The following CADPS variants were observed in gnomAD, a reference collection of about 807,000 sequenced individuals.
CADPS encodes calcium-dependent secretion activator 1.
Under a neutral mutation model 167.3 loss-of-function variants are expected in CADPS, and 57 were observed. The ratio of observed to expected loss-of-function variants is 0.34; its 90% CI spans 0.28 to 0.42. The LOEUF (loss-of-function observed/expected upper bound fraction) is 0.42. CADPS is among the 20% of genes least tolerant of loss of function. The probability of loss-of-function intolerance (pLI) is 1.00; values close to 1 mark genes in which losing one functional copy is unlikely to be tolerated. For missense variants in CADPS, 1,414 were observed against 1,738.1 expected (o/e 0.81, Z 3.32); for synonymous variants, 676 against 635.3 (o/e 1.06, Z -0.96).
chr3:62,851,942 A>G (rs1364675843), intron 1 of CADPS, among the ~76,000 whole-genome samples: 1 of 151,528 alleles, frequency 6.6e-6, no homozygotes, highest in East Asian at 1.9e-4. Flanking sequence ...CTTTTCACAT[A>G]GTTCCATATT....
chr3:62,585,280 C>T lies in CADPS; in HGVS notation c.1482G>A (p.Trp494Ter). The part of the protein sequence containing the change: ...PTPNSPKQSE[W>*]HKMTVSKNCP... ...AGTTTTTGGAGACTGTCATTTTGTGCCACTCTGACTGTTTGGGGCTGTTCG... is the reference window on the plus strand; with the variant it reads ...AGTTTTTGGAGACTGTCATTTTGTGTCACTCTGACTGTTTGGGGCTGTTCG... Residue 494 changes from tryptophan to a stop codon, truncating the protein, a stop_gained, in exon 8 of 30, where the codon TGG becomes TGA. Coordinates refer to ENST00000383710, the MANE Select transcript of CADPS (RefSeq NM_003716.4). LOFTEE classifies it high-confidence loss of function. 1 of 1,613,676 alleles carries T rather than the reference C, an allele frequency of 6.2e-7. No individual in the cohort carries two copies. The highest frequency in any genetic ancestry group is 8.5e-7 in the Non-Finnish European group (1 of 1,179,766).
chr3:62,759,977 A>G (rs1048526784), intron 2 of CADPS, among the ~76,000 whole-genome samples: 11 of 152,146 alleles, frequency 7.2e-5, no homozygotes, highest in African/African-American at 2.7e-4. Context: ...TTCTGGGCAA[A>G]GTTTCAGAAG....
intron 21 of CADPS, among the ~76,000 whole-genome samples, chr3:62,490,339 A>G (rs1381162743): frequency 6.6e-6 from 1 of 152,014 alleles, no homozygotes; most frequent in African/African-American, 2.4e-5. Context: ...AGAAACTAAC[A>G]AGGCAAATCC....
At chr3:62,710,716 C>G (rs2083240139) in intron 3 of CADPS, among the ~76,000 whole-genome samples, 1 of 152,252 alleles carries the variant, frequency 6.6e-6, no homozygotes, top group African/African-American at 2.4e-5. Flanking sequence ...GGACTTCCCA[C>G]CTCTGCCACC....
At chr3:62,671,432 A>G (rs2150776389) in intron 3 of CADPS, among the ~76,000 whole-genome samples, 2 of 152,262 alleles carry the variant, frequency 1.3e-5, no homozygotes, top group Middle Eastern at 3.4e-3. Context: ...AGCCAAAACC[A>G]AGGGTATAGA....
At chr3:62,695,657 T>A (rs986309836) in intron 3 of CADPS, among the ~76,000 whole-genome samples, 1 of 150,616 alleles carries the variant, frequency 6.6e-6, no homozygotes, top group Admixed American at 6.6e-5. Flanking sequence ...ACCATAACTG[T>A]TTTGGTTGCT....
At chr3:62,812,692 T>C (rs1280638292) in intron 1 of CADPS, among the ~76,000 whole-genome samples, 1 of 152,202 alleles carries the variant, frequency 6.6e-6, no homozygotes, top group Non-Finnish European at 1.5e-5. Context: ...ATGCATCCTC[T>C]CTATCTTCTG....
At chr3:62,832,979 C>CATTTTAG (rs2075337952) in intron 1 of CADPS, among the ~76,000 whole-genome samples, 1 of 152,160 alleles carries the variant, frequency 6.6e-6, no homozygotes, top group Non-Finnish European at 1.5e-5. Context: ...GGAGGAATTG[C>CATTTTAG]CTCCTCTAGG....
chr3:62,862,156 T>C (rs1477046962), intron 1 of CADPS, among the ~76,000 whole-genome samples: 4 of 151,972 alleles, frequency 2.6e-5, no homozygotes, highest in Admixed American at 6.6e-5. Flanking sequence ...CAAACACATA[T>C]TGACTCCATT....
intron 2 of CADPS, among the ~76,000 whole-genome samples, chr3:62,764,371 A>G (rs1212687912): frequency 6.6e-6 from 1 of 152,206 alleles, no homozygotes; most frequent in Non-Finnish European, 1.5e-5. Flanking sequence ...CAAGTTTGAC[A>G]CTCATTGGCG....
chr3:62,860,903 T>C (rs2080672016), intron 1 of CADPS, among the ~76,000 whole-genome samples: 1 of 152,206 alleles, frequency 6.6e-6, no homozygotes, highest in South Asian at 2.1e-4. Flanking sequence ...TTCCTTATTC[T>C]CTGGGTGCCT....
At chr3:62,837,018 G>A (rs985755622) in intron 1 of CADPS, among the ~76,000 whole-genome samples, 2 of 152,134 alleles carry the variant, frequency 1.3e-5, no homozygotes, top group Non-Finnish European at 2.9e-5. Context: ...TCCCAATGAA[G>A]GGAGAGGCTT....
chr3:62,683,531 C>A (rs532472627), intron 3 of CADPS, among the ~76,000 whole-genome samples: 3 of 152,074 alleles, frequency 2.0e-5, no homozygotes, highest in Non-Finnish European at 2.9e-5. Flanking sequence ...CTATCCCACA[C>A]CCAGCAACCC....
chr3:62,807,901 T>A (rs1310404671), intron 1 of CADPS, among the ~76,000 whole-genome samples: 1 of 152,062 alleles, frequency 6.6e-6, no homozygotes, highest in Non-Finnish European at 1.5e-5. Flanking sequence ...TGAGACAGAG[T>A]CTTGCACTGT....
chr3:62,848,521 A>G (rs2077917305), intron 1 of CADPS, among the ~76,000 whole-genome samples: 1 of 141,234 alleles, frequency 7.1e-6, no homozygotes, highest in Admixed American at 7.3e-5. Context: ...TCCAAGCACC[A>G]TTTATTAAAT....
chr3:62,598,611 C>T (rs1198062159), intron 6 of CADPS, among the ~76,000 whole-genome samples: 2 of 152,172 alleles, frequency 1.3e-5, no homozygotes, highest in African/African-American at 2.4e-5. Context: ...TGCATTTGAT[C>T]ATTTGAAAGC....
At chr3:62,507,979 A>T (rs970832393) in intron 17 of CADPS, among the ~76,000 whole-genome samples, 8 of 152,214 alleles carry the variant, frequency 5.3e-5, no homozygotes, top group East Asian at 3.8e-4. Flanking sequence ...TTTATAGAAA[A>T]TAAAAGTGAG....
chr3:62,570,637 T>C (rs2081116825), intron 9 of CADPS, among the ~76,000 whole-genome samples: 1 of 152,202 alleles, frequency 6.6e-6, no homozygotes, highest in South Asian at 2.1e-4. Flanking sequence ...TATTCATTAA[T>C]TTTTTAAAAT....
chr3:62,709,332 T>C (rs994859160), intron 3 of CADPS, among the ~76,000 whole-genome samples: 2 of 152,130 alleles, frequency 1.3e-5, no homozygotes, highest in Non-Finnish European at 2.9e-5. Context: ...GTGCAGGGCT[T>C]TACTTTTGGA....
Sources: gnomAD v4.1 joint callset for allele counts (sites outside exome capture counted in the v4.1 genomes callset) on GRCh38, gnomAD v4.1.1 for gene constraint, MANE v1.5 for transcripts, NCBI Gene and HGNC (gene_info 2026-07-23, HGNC 2026-07-21) for gene names.